Variants in FOXP1 observed in about 807,000 individuals in gnomAD.
The protein encoded by FOXP1 is forkhead box protein P1.
FOXP1 carries 15 observed loss-of-function variants against 98.2 expected under a neutral mutation model. That is an observed-to-expected ratio of 0.15 (90% CI 0.10 to 0.24). FOXP1 has a LOEUF of 0.24. FOXP1 is among the 10% of genes least tolerant of loss of function. FOXP1 has a pLI of 1.00. For missense variants in FOXP1, 633 were observed against 848.5 expected (o/e 0.75, Z 3.15); for synonymous variants, 371 against 314.5 (o/e 1.18, Z -1.90).
chr3:71,497,255 T>C (rs923840585), intron 2 of FOXP1, among the ~76,000 whole-genome samples: 1 of 151,832 alleles, frequency 6.6e-6, no homozygotes, highest in Non-Finnish European at 1.5e-5. Context: ...GAGGGTGAAA[T>C]AGAAGCTTTT....
At position 70,976,928 on chromosome 3, in the gene FOXP1, T is replaced by C. The variant is rs373765059; in HGVS notation, c.1530+13A>G. ...GTCAAGATCCAAGAATAAACAGGCC[T>C]GAGAAAGCTTACCTTCCACGTGGCC... is the stretch of plus-strand genomic sequence containing the variant. On this transcript the variant is annotated intron_variant, in intron 17 of 20. Coordinates refer to ENST00000649528, the MANE Select transcript of FOXP1 (RefSeq NM_001349338.3). 1.6e-5 allele frequency: 25 copies of C among 1,596,278 alleles called. No homozygotes were observed. In the African/African-American group the frequency reaches 2.4e-4, roughly 15 times the overall value.
intron 6 of FOXP1, among the ~76,000 whole-genome samples, chr3:71,195,245 T>A (rs927264141): frequency 3.3e-5 from 5 of 152,200 alleles, no homozygotes; most frequent in Non-Finnish European, 7.3e-5. Context: ...TAAACAAAAC[T>A]CACTATGGAA....
intron 6 of FOXP1, among the ~76,000 whole-genome samples, chr3:71,165,912 A>G (rs2061377022): frequency 6.6e-6 from 1 of 152,242 alleles, no homozygotes; most frequent in Non-Finnish European, 1.5e-5. Flanking sequence ...TGGTGGTAAC[A>G]GAAGCACCAC....
intron 4 of FOXP1, among the ~76,000 whole-genome samples, chr3:71,313,966 C>T (rs1020770521): frequency 3.3e-5 from 5 of 152,178 alleles, no homozygotes; most frequent in African/African-American, 1.2e-4. Flanking sequence ...TTCTTATTAG[C>T]TCTGGTGCTG....
intron 4 of FOXP1, among the ~76,000 whole-genome samples, chr3:71,314,451 C>T (rs1040161511): frequency 4.0e-5 from 6 of 151,570 alleles, no homozygotes; most frequent in Admixed American, 3.9e-4. Context: ...TCACTTGAAC[C>T]CGGGAGGTGG....
intron 9 of FOXP1, among the ~76,000 whole-genome samples, chr3:71,049,825 C>T (rs2107051576): frequency 6.6e-6 from 1 of 152,268 alleles, no homozygotes; most frequent in East Asian, 1.9e-4. Context: ...AGGACCACCA[C>T]CTGCATGATA....
chr3:71,092,691 G>C (rs776770049), intron 7 of FOXP1, among the ~76,000 whole-genome samples: 3 of 151,978 alleles, frequency 2.0e-5, no homozygotes, highest in Non-Finnish European at 4.4e-5. Context: ...GTGAGGGAGG[G>C]CGTTTGGCTT....
chr3:71,009,916 ATTTT>A (rs200610453), intron 12 of FOXP1, among the ~76,000 whole-genome samples: 1 of 133,026 alleles, frequency 7.5e-6, no homozygotes, highest in Non-Finnish European at 1.6e-5. Context: ...ACCCAGCTGA[ATTTT>A]TTTTTTTTTT....
intron 2 of FOXP1, among the ~76,000 whole-genome samples, chr3:71,578,847 C>T (rs962337501): frequency 1.3e-5 from 2 of 152,190 alleles, no homozygotes; most frequent in African/African-American, 2.4e-5. Flanking sequence ...CATGCCTAGG[C>T]TCAATATTAA....
At position 70,959,225 on chromosome 3, in the gene FOXP1, C is replaced by G. The variant is rs367609175; in HGVS notation, c.*22G>C. On this transcript the variant is annotated 3_prime_UTR_variant, in exon 21 of 21. Transcript: ENST00000649528. ...TTTTCCTTTTTCCAATCTTCATTCT[C>G]GGGGTTGGCCCGCCCCGATAGTCAC... The G allele has an allele frequency of 1.4e-5, 22 of 1,604,570 alleles. No homozygotes were observed. Among genetic ancestry groups the G allele is most frequent in the Middle Eastern group, 3.3e-4 (2 of 6,042 alleles).
At chr3:71,289,372 A>G (rs903851239) in intron 5 of FOXP1, among the ~76,000 whole-genome samples, 7 of 151,312 alleles carry the variant, frequency 4.6e-5, no homozygotes, top group African/African-American at 2.4e-5. Context: ...CAGAGTCACT[A>G]TAGTCTGTCA....
intron 3 of FOXP1, among the ~76,000 whole-genome samples, chr3:71,370,515 T>C (rs780710068): frequency 5.3e-5 from 8 of 152,190 alleles, no homozygotes; most frequent in Non-Finnish European, 1.0e-4. Flanking sequence ...GTTTATTCTT[T>C]CACTCCATAA....
At chr3:71,543,377 C>G (rs372508995) in intron 2 of FOXP1, 10 of 152,392 alleles carry the variant, frequency 6.6e-5, no homozygotes, top group African/African-American at 2.2e-4. Context: ...TGCAAAATTT[C>G]CACTTGAGAA....
chr3:71,391,357 C>A (rs2081015989), intron 3 of FOXP1, among the ~76,000 whole-genome samples: 1 of 152,206 alleles, frequency 6.6e-6, no homozygotes, highest in African/African-American at 2.4e-5. Context: ...ACAAAGACTG[C>A]CTTTCTTTCC....
chr3:71,005,331 A>AAAC (rs2042646788), intron 12 of FOXP1, among the ~76,000 whole-genome samples: 1 of 149,466 alleles, frequency 6.7e-6, no homozygotes, highest in Non-Finnish European at 1.5e-5. Flanking sequence ...AAAAAAAAAA[A>AAAC]AAAAAAAAAA....
At chr3:71,315,416 G>A (rs1487498691) in intron 4 of FOXP1, among the ~76,000 whole-genome samples, 4 of 152,224 alleles carry the variant, frequency 2.6e-5, no homozygotes, top group Admixed American at 2.6e-4. Context: ...AAAAAGACAA[G>A]GATGTCCCCT....
intron 11 of FOXP1, among the ~76,000 whole-genome samples, chr3:71,017,837 G>C (rs1018847397): frequency 6.6e-6 from 1 of 152,164 alleles, no homozygotes; most frequent in African/African-American, 2.4e-5. Flanking sequence ...CAGAGAAATA[G>C]AATCACTCAA....
intron 12 of FOXP1, among the ~76,000 whole-genome samples, chr3:71,012,799 G>A (rs1489092248): frequency 6.6e-6 from 1 of 152,112 alleles, no homozygotes; most frequent in Admixed American, 6.5e-5. Context: ...GAATGAGAGA[G>A]AAAAGCTAGA....
At chr3:71,021,056 T>G (rs1390281688) in intron 11 of FOXP1, among the ~76,000 whole-genome samples, 1 of 152,244 alleles carries the variant, frequency 6.6e-6, no homozygotes, top group Non-Finnish European at 1.5e-5. Flanking sequence ...TACTGAGTTA[T>G]AGTTTACATA....
Sources: gnomAD v4.1 joint callset for allele counts (sites outside exome capture counted in the v4.1 genomes callset) on GRCh38, gnomAD v4.1.1 for gene constraint, MANE v1.5 for transcripts, NCBI Gene and HGNC (gene_info 2026-07-23, HGNC 2026-07-21) for gene names.